Variants in CALN1 observed in about 807,000 individuals in gnomAD.
CALN1 encodes calcium-binding protein 8.
CALN1 carries 17 observed loss-of-function variants against 30.6 expected under a neutral mutation model. The ratio of observed to expected loss-of-function variants is 0.56; its 90% confidence interval spans 0.38 to 0.83. The LOEUF (loss-of-function observed/expected upper bound fraction) is 0.83. Ranked by LOEUF, CALN1 falls within the 40% of genes least tolerant of loss-of-function variation. The pLI is 0.00. For missense variants in CALN1, 291 were observed against 354.9 expected (o/e 0.82, Z 1.45); for synonymous variants, 156 against 131.4 (o/e 1.19, Z -1.28).
At chr7:71,957,312 A>G (rs1211569358) in intron 5 of CALN1, among the ~76,000 whole-genome samples, 18 of 152,122 alleles carry the variant, frequency 1.2e-4, no homozygotes. Context: ...TGACTGTAAG[A>G]ATTTATCATT....
intron 2 of CALN1, among the ~76,000 whole-genome samples, chr7:72,310,936 A>T (rs1247591381): frequency 6.6e-6 from 1 of 151,392 alleles, no homozygotes; most frequent in Non-Finnish European, 1.5e-5. Context: ...AAACAAAAAT[A>T]AAGAAGAAGA....
At chr7:72,100,164 GT>G (rs11309480) in intron 4 of CALN1, among the ~76,000 whole-genome samples, 111,322 of 149,794 alleles carry the variant, frequency 0.74, 41,681 homozygotes, top group East Asian at 0.96. Flanking sequence ...GAGTTTTTTT[GT>G]TTTTTTTTTA....
At chr7:72,369,942 C>G (rs1195095588) in intron 2 of CALN1, among the ~76,000 whole-genome samples, 2 of 152,146 alleles carry the variant, frequency 1.3e-5, no homozygotes, top group Non-Finnish European at 2.9e-5. Context: ...ATGTTTGAGT[C>G]TTTCTATGAA....
In CALN1 at chr7:72,319,515, A is replaced by T. The variant is rs541743726; in HGVS notation, c.120-40705T>A. ...CCACAACATGTGGGAATTCAAAATG[A>T]GATTTGGGTGGGGACACAGCCAAAC... is the stretch of plus-strand genomic sequence containing the variant. On this transcript the variant is annotated intron_variant, in intron 2 of 6. Transcript: ENST00000395275. Among the ~76,000 whole-genome samples, 10 of 152,314 alleles carry T rather than the reference A, an allele frequency of 6.6e-5. 1 individual carries two copies. The East Asian group carries it at 1.9e-3, about 29-fold the overall frequency.
intron 1 of CALN1, among the ~76,000 whole-genome samples, chr7:72,404,194 T>C (rs1437311722): frequency 2.6e-5 from 4 of 152,190 alleles, no homozygotes; most frequent in Non-Finnish European, 4.4e-5. Context: ...AAGGCACCCC[T>C]CGTCTCTGCC....
At chr7:72,054,468 C>CAT (rs1491088013) in intron 4 of CALN1, among the ~76,000 whole-genome samples, 1 of 123,074 alleles carries the variant, frequency 8.1e-6, no homozygotes. Flanking sequence ...CATATATATA[C>CAT]ATATATACAT....
At chr7:72,409,600 G>A (rs564291153) in intron 1 of CALN1, among the ~76,000 whole-genome samples, 4 of 152,072 alleles carry the variant, frequency 2.6e-5, no homozygotes, top group Admixed American at 2.0e-4. Flanking sequence ...TCATGGATTT[G>A]ATCCCTTTCA....
intron 2 of CALN1, among the ~76,000 whole-genome samples, chr7:72,371,653 A>T (rs1804249422): frequency 6.6e-6 from 1 of 152,186 alleles, no homozygotes; most frequent in African/African-American, 2.4e-5. Flanking sequence ...GCAGCATAAG[A>T]ATGGACTAAT....
At chr7:72,455,945 G>T in the CALN1 span, among the ~76,000 whole-genome samples, 3 of 152,174 alleles carry the variant, frequency 2.0e-5, no homozygotes, top group Non-Finnish European at 4.4e-5. Context: ...CCAGCACTTT[G>T]GGAGGCCAAG....
In CALN1 at chr7:72,123,072, G is replaced by C. The variant is rs1808502539; in HGVS notation, c.245-16778C>G. ...AGAATTCAGAGCCAGGGAGCGGACT[G>C]GGGGTCACAGCTATTTACCACTGTT... On this transcript the variant is annotated intron_variant, in intron 3 of 6. Coordinates refer to ENST00000395275, the MANE Select transcript of CALN1 (RefSeq NM_031468.4). 2.6e-5 allele frequency among the ~76,000 whole-genome samples: 4 copies of C among 152,156 alleles called. No homozygotes were observed. In the South Asian group the frequency reaches 8.3e-4, roughly 32 times the overall value.
intron 3 of CALN1, among the ~76,000 whole-genome samples, chr7:72,149,957 A>C (rs1037812030): frequency 6.6e-6 from 1 of 151,238 alleles, no homozygotes; most frequent in Admixed American, 6.6e-5. Flanking sequence ...TCTACTAAAA[A>C]TACAGAAAAA....
intron 5 of CALN1, among the ~76,000 whole-genome samples, chr7:71,903,319 TA>T (rs1309631447): frequency 3.9e-5 from 6 of 152,074 alleles, no homozygotes; most frequent in Non-Finnish European, 8.8e-5. Flanking sequence ...GAAGCTATAG[TA>T]AACAAAGCAG....
At chr7:72,235,548 A>T (rs1306229420) in intron 3 of CALN1, among the ~76,000 whole-genome samples, 1 of 151,900 alleles carries the variant, frequency 6.6e-6, no homozygotes, top group Non-Finnish European at 1.5e-5. Context: ...AGTCCCACAC[A>T]CTCTGCTGTG....
intron 3 of CALN1, among the ~76,000 whole-genome samples, chr7:72,246,913 C>T (rs989905241): frequency 6.6e-6 from 1 of 152,114 alleles, no homozygotes; most frequent in African/African-American, 2.4e-5. Flanking sequence ...CGCCACCATG[C>T]CCGGCTAATT....
chr7:72,475,034 C>A, the CALN1 span, among the ~76,000 whole-genome samples: 2 of 152,200 alleles, frequency 1.3e-5, no homozygotes, highest in Admixed American at 1.3e-4. Flanking sequence ...CTAAACATAG[C>A]AATTATGGCA....
intron 3 of CALN1, among the ~76,000 whole-genome samples, chr7:72,265,561 G>A (rs1455482742): frequency 6.6e-6 from 1 of 151,996 alleles, no homozygotes; most frequent in Non-Finnish European, 1.5e-5. Flanking sequence ...GAGCACGATG[G>A]GGCTTAATTA....
intron 2 of CALN1, among the ~76,000 whole-genome samples, chr7:72,369,359 T>TTTTGTTG (rs3030372): frequency 1.8e-4 from 26 of 146,710 alleles, no homozygotes; most frequent in South Asian, 6.4e-4. Flanking sequence ...TATTTATTTT[T>TTTTGTTG]TTGTTGTTGT....
At chr7:72,405,961 G>A (rs1806667872) in intron 1 of CALN1, among the ~76,000 whole-genome samples, 1 of 152,174 alleles carries the variant, frequency 6.6e-6, no homozygotes, top group Admixed American at 6.5e-5. Context: ...AGGCTTCTGA[G>A]CCCAATACAC....
At chr7:72,003,625 T>C (rs1015826825) in intron 5 of CALN1, among the ~76,000 whole-genome samples, 1 of 152,228 alleles carries the variant, frequency 6.6e-6, no homozygotes, top group South Asian at 2.1e-4. Context: ...CTAGGTTGTA[T>C]GCTCCTTAGG....
Sources: gnomAD v4.1 joint callset for allele counts (sites outside exome capture counted in the v4.1 genomes callset) on GRCh38, gnomAD v4.1.1 for gene constraint, MANE v1.5 for transcripts, NCBI Gene and HGNC (gene_info 2026-07-23, HGNC 2026-07-21) for gene names.